The following PSD3 variants were observed in gnomAD, a reference collection of about 807,000 sequenced individuals.
The protein encoded by PSD3 is pleckstrin and Sec7 domain containing 3, also known as PH and SEC7 domain-containing protein 3.
PSD3 carries 49 observed loss-of-function variants against 105.5 expected under a neutral mutation model. The ratio of observed to expected loss-of-function variants is 0.46; its 90% confidence interval spans 0.37 to 0.59. PSD3 has a LOEUF of 0.59. Among genes scored for constraint, PSD3 ranks in the 20% least tolerant of loss-of-function variants. The pLI is 0.00. For missense variants in PSD3, 1,561 were observed against 1,263.8 expected, an observed-to-expected ratio of 1.24 and a Z score of -3.57; for synonymous variants, 557 against 457.8, an observed-to-expected ratio of 1.22 and a Z score of -2.77.
chr8:18,817,733 T>G (rs886981828), intron 4 of PSD3, among the ~76,000 whole-genome samples: 1 of 152,196 alleles, frequency 6.6e-6, no homozygotes, highest in Non-Finnish European at 1.5e-5. Flanking sequence ...CTAGAGACTC[T>G]GATCAGCGGA....
intron 12 of PSD3, among the ~76,000 whole-genome samples, chr8:18,594,448 T>A (rs1208970809): frequency 1.6e-5 from 2 of 127,944 alleles, no homozygotes; most frequent in East Asian, 4.4e-4. Context: ...TTATATTATT[T>A]ATATATTATA....
In PSD3 at chr8:19,074,841, C is replaced by T. The variant is rs535681141; in HGVS notation, c.324+9365G>A. ...TTCACCGTGTTAGCCAGGATGGTCT[C>T]GATCTCCTGACCTTGTGATCCGCCT... On this transcript the variant is annotated intron_variant, in intron 1 of 1. Transcript: ENST00000521475. 2.6e-5 allele frequency among the ~76,000 whole-genome samples: 4 copies of T among 151,660 alleles called. No homozygotes were observed. The East Asian group carries it at 7.8e-4, about 29-fold the overall frequency.
intron 6 of PSD3, 54 bp downstream of exon 6, chr8:18,804,468 C>T: frequency 7.0e-7 from 1 of 1,438,152 alleles, no homozygotes; most frequent in Non-Finnish European, 9.6e-7. Context: ...ACTTTCTTCT[C>T]TAAGAACTAA....
chr8:18,722,368 T>A (rs867102714), intron 9 of PSD3, among the ~76,000 whole-genome samples: 38 of 152,124 alleles, frequency 2.5e-4, no homozygotes, highest in African/African-American at 9.2e-4. Flanking sequence ...TAAATCAGAA[T>A]CTAAAAATAT....
chr8:18,710,246 A>T (rs1802169025), intron 9 of PSD3, among the ~76,000 whole-genome samples: 1 of 152,180 alleles, frequency 6.6e-6, no homozygotes, highest in Non-Finnish European at 1.5e-5. Context: ...AGAATCTCAG[A>T]GGTGAAGACT....
At chr8:18,716,465 CA>C (rs1466009013) in intron 9 of PSD3, among the ~76,000 whole-genome samples, 3 of 152,072 alleles carry the variant, frequency 2.0e-5, no homozygotes, top group Non-Finnish European at 2.9e-5. Context: ...GTGGGTGAAA[CA>C]AAAGGCTGAG....
chr8:18,735,426 G>A (rs746592103), intron 9 of PSD3, among the ~76,000 whole-genome samples: 51 of 152,270 alleles, frequency 3.3e-4, no homozygotes, highest in Middle Eastern at 3.4e-3. Flanking sequence ...GACGATAAAC[G>A]TACCCAAGTG....
intron 3 of PSD3, among the ~76,000 whole-genome samples, chr8:18,871,112 A>G (rs975994903): frequency 2.6e-5 from 4 of 152,180 alleles, no homozygotes; most frequent in Admixed American, 1.3e-4. Context: ...ATAAATAAAT[A>G]AACAAACAAA....
chr8:18,906,658 T>C (rs190413867), intron 2 of PSD3, among the ~76,000 whole-genome samples: 6 of 152,246 alleles, frequency 3.9e-5, no homozygotes, highest in Admixed American at 2.0e-4. Context: ...CCTAAAACAA[T>C]AAATTGAACT....
chr8:18,604,597 C>T (rs79275440), intron 11 of PSD3, among the ~76,000 whole-genome samples: 4,674 of 152,144 alleles, frequency 0.031, 164 homozygotes, highest in East Asian at 0.098. Context: ...CAGAAATTTG[C>T]ATAAATTAAA....
At chr8:18,669,637 T>C (rs929437784) in intron 9 of PSD3, among the ~76,000 whole-genome samples, 36 of 152,314 alleles carry the variant, frequency 2.4e-4, no homozygotes, top group Middle Eastern at 3.4e-3. Flanking sequence ...GACAGTGAGA[T>C]TGCATCGCAC....
intron 9 of PSD3, among the ~76,000 whole-genome samples, chr8:18,744,996 G>A (rs1353449959): frequency 2.0e-5 from 3 of 152,192 alleles, no homozygotes; most frequent in Admixed American, 2.0e-4. Flanking sequence ...TTACAATGAA[G>A]TTAGGCATTT....
intron 1 of PSD3, among the ~76,000 whole-genome samples, chr8:18,993,213 T>C (rs1825898192): frequency 6.6e-6 from 1 of 152,172 alleles, no homozygotes; most frequent in South Asian, 2.1e-4. Context: ...CTTTAGATCA[T>C]ATTCTTTATT....
At chr8:18,726,450 T>G (rs897638116) in intron 9 of PSD3, among the ~76,000 whole-genome samples, 6 of 152,370 alleles carry the variant, frequency 3.9e-5, no homozygotes, top group Non-Finnish European at 7.3e-5. Context: ...TAATATCAAC[T>G]GCTGTATAGC....
chr8:19,021,172 G>T (rs1276023617), intron 1 of PSD3, among the ~76,000 whole-genome samples: 1 of 152,214 alleles, frequency 6.6e-6, no homozygotes, highest in Admixed American at 6.5e-5. Flanking sequence ...AGTCAGTGAA[G>T]TAGGAGGAAA....
chr8:18,775,500 C>CTCAT (rs1807969286), intron 8 of PSD3, among the ~76,000 whole-genome samples: 1 of 152,110 alleles, frequency 6.6e-6, no homozygotes, highest in African/African-American at 2.4e-5. Context: ...CTGGCCAGCA[C>CTCAT]TCATTGTTTA....
chr8:18,625,807 T>C (rs1446839908), intron 11 of PSD3, among the ~76,000 whole-genome samples: 1 of 152,152 alleles, frequency 6.6e-6, no homozygotes, highest in African/African-American at 2.4e-5. Context: ...ATCTGCTTTA[T>C]AGGACCAAGA....
Position 18,867,702 on chromosome 8 carries a change from C to G in PSD3, c.1606G>C (p.Gly536Arg). The G allele has an allele frequency of 6.2e-7, 1 of 1,613,394 alleles. No individual in the cohort carries two copies. Among genetic ancestry groups the G allele is most frequent in the Non-Finnish European group, 8.5e-7 (1 of 1,179,508 alleles). Reference protein sequence around the residue: ...NDASDSIYTKGTPEIAFWGSN... With the variant: ...NDASDSIYTKRTPEIAFWGSN... ...CCCCAGAAAGCAATCTCCGGGGTGC[C>G]TTTCGTGTAGATGGAGTCGCTGGCA... The change falls in exon 4 of 16, where the codon GGC becomes CGC. Residue 536 changes from glycine (G) to arginine (R), a missense_variant. Physicochemically the swap from Gly to Arg is moderately radical, Grantham distance 125 (BLOSUM62 -2). Coordinates refer to ENST00000327040, the MANE Select transcript of PSD3 (RefSeq NM_015310.4).
rs191814025 is a variant in PSD3 at position 18,613,614 on chromosome 8, T to C, written c.2411-13180A>G. 8.6e-3 allele frequency among the ~76,000 whole-genome samples: 1,306 copies of C among 152,310 alleles called. 6 individuals are homozygous for C. The highest frequency in any genetic ancestry group is 0.013 in the Non-Finnish European group (911 of 68,034). ...AATGAATGATACCTCACATTCTCTA[T>C]GGCTAGAATGTTCCTCTCCCAGATA... On this transcript the variant is annotated intron_variant, in intron 11 of 15. Transcript: ENST00000327040.
Sources: gnomAD v4.1 joint callset for allele counts (sites outside exome capture counted in the v4.1 genomes callset) on GRCh38, gnomAD v4.1.1 for gene constraint, MANE v1.5 for transcripts, NCBI Gene and HGNC (gene_info 2026-07-23, HGNC 2026-07-21) for gene names.